NOP14: variants seen among roughly 807,000 people sequenced by gnomAD.
The protein encoded by NOP14 is nucleolar protein 14.
In NOP14, 57 loss-of-function variants were observed where a neutral mutation model predicts 101.6. That is an observed-to-expected ratio of 0.56 (90% confidence interval 0.45 to 0.70). The LOEUF is 0.70. Among genes scored for constraint, NOP14 ranks in the 30% least tolerant of loss-of-function variants. NOP14 has a pLI of 0.00. For synonymous variants in NOP14, 428 were observed against 424.0 expected (o/e 1.01, Z -0.12); for missense variants, 1,134 against 1,075.5 (o/e 1.05, Z -0.76).
intron 13 of NOP14, among the ~76,000 whole-genome samples, chr4:2,942,783 G>T (rs910683332): frequency 6.6e-6 from 1 of 152,212 alleles, no homozygotes; most frequent in Non-Finnish European, 1.5e-5. Flanking sequence ...AGAGTCAGTC[G>T]GGGGTGACGG....
chr4:2,950,406 A>G (rs1714947107), intron 7 of NOP14, 193 bp from the exon 8 acceptor site: 2 of 619,326 alleles, frequency 3.2e-6, no homozygotes, highest in South Asian at 2.0e-5. Context: ...TTCGAGCCGC[A>G]GGAGCTACAG....
In NOP14 at chr4:2,949,980, T is replaced by G; in HGVS notation, c.1236A>C (p.Glu412Asp). 6.2e-7 allele frequency: 1 copy of G among 1,614,182 alleles called. No homozygotes were observed. Among genetic ancestry groups the G allele is most frequent in the Non-Finnish European group, 8.5e-7 (1 of 1,180,024 alleles). Residue 412 changes from glutamate to aspartate, a missense_variant, in exon 8 of 18, where the codon GAA becomes GAC. By Grantham distance (45) the Glu-to-Asp change is conservative (BLOSUM62 2). Transcript: ENST00000416614. Reference protein sequence around the residue: ...TPGKGLISGKERAGKATRDEL... With the variant: ...TPGKGLISGKDRAGKATRDEL... ...CGTCTCTGGTAGCTTTTCCAGCTCT[T>G]TCCTTGCCGCTTATCAACCCTTTCC...
In NOP14 at chr4:2,950,129, C is replaced by G. The variant is rs1308301414; in HGVS notation, c.1087G>C (p.Asp363His). The G allele has an allele frequency of 1.2e-6, 2 of 1,614,212 alleles. No individual in the cohort carries two copies. Among genetic ancestry groups the G allele is most frequent in the South Asian group, 2.2e-5 (2 of 91,086 alleles). Residue 363 changes from aspartate to histidine, a missense_variant, in exon 8 of 18, where the codon GAC (aspartate) becomes CAC (histidine). Transcript: ENST00000416614. The stretch of plus-strand genomic sequence containing the variant: ...TCTGTGTCCTCCCCGCCTGAACTGT[C>G]ACCTTCTTCCTCGTTGCTCTCAGGG... ...SDPESNEEEG[D>H]SSGGEDTEES...
chr4:2,942,287 A>G lies in NOP14; in HGVS notation c.1956T>C (p.Ala652=), dbSNP rs145858265. 3 of 1,614,022 alleles carry G rather than the reference A, an allele frequency of 1.9e-6. No individual in the cohort carries two copies. The highest frequency in any genetic ancestry group is 2.5e-6 in the Non-Finnish European group (3 of 1,180,026). ...GCTGCCACGTGGCCACATCCTCTCT[A>G]GCAGACACCACGAGCAGTTCCGAGT... ...GKNSELLVVS[A]REDVATWQQS... is the part of the protein sequence containing the mutation. The change falls in exon 14 of 18, where the codon GCT becomes GCC. Residue 652 remains alanine, a synonymous_variant. Coordinates refer to ENST00000416614, the MANE Select transcript of NOP14 (RefSeq NM_001291978.2).
intron 15 of NOP14, chr4:2,941,319 C>A: frequency 2.1e-6 from 1 of 468,506 alleles, no homozygotes; most frequent in Non-Finnish European, 3.9e-6. Flanking sequence ...CTGGTGCACC[C>A]TCCGTGCGGC....
chr4:2,942,362 A>G lies in NOP14; in HGVS notation c.1892-11T>C. On this transcript the variant is annotated splice_polypyrimidine_tract_variant and intron_variant, in intron 13 of 17. Coordinates refer to ENST00000416614, the MANE Select transcript of NOP14 (RefSeq NM_001291978.2). ...GCACCAGAGTGGAACCTGAATTCCA[A>G]GTGCGACAGGACAGAGATGGCCTGA... 6.2e-7 allele frequency: 1 copy of G among 1,612,346 alleles called. No individual in the cohort carries two copies. Among genetic ancestry groups the G allele is most frequent in the Non-Finnish European group, 8.5e-7 (1 of 1,178,610 alleles).
chr4:2,944,618 A>T (rs1051222037), intron 12 of NOP14, among the ~76,000 whole-genome samples: 3 of 152,152 alleles, frequency 2.0e-5, no homozygotes, highest in Middle Eastern at 3.4e-3. Flanking sequence ...TGTTGGCCAC[A>T]CTGGTCTTGA....
Position 2,960,733 on chromosome 4 carries a change from T to TATTAATATATTAATATTATAATCAC in NOP14, c.195+2367_195+2391dup, listed in dbSNP as rs1560310571. The stretch of plus-strand genomic sequence containing the variant: ...TATATTAATATTATAATCACATTAA[T>TATTAATATATTAATATTATAATCAC]ATTAATATATTAATATTATAATCAC... On this transcript the variant is annotated intron_variant, in intron 1 of 17. Coordinates refer to ENST00000416614, the MANE Select transcript of NOP14 (RefSeq NM_001291978.2). Among the ~76,000 whole-genome samples the TATTAATATATTAATATTATAATCAC allele has an allele frequency of 2.0e-3, 227 of 110,830 alleles. 14 individuals carry two copies. Among genetic ancestry groups the TATTAATATATTAATATTATAATCAC allele is most frequent in the African/African-American group, 6.3e-3 (178 of 28,392 alleles). The allele number at this position is 110,830 out of a possible 152,430, so 72.7% of individuals were successfully genotyped here.
chr4:2,950,901 C>T (rs903994913), intron 7 of NOP14: 9 of 470,790 alleles, frequency 1.9e-5, no homozygotes, highest in Non-Finnish European at 3.4e-5. Context: ...AGAAAGAGAG[C>T]GTGAGCAAGT....
chr4:2,939,418 G>C, intron 16 of NOP14, 75 bp from the exon 17 acceptor site: 1 of 1,600,028 alleles, frequency 6.2e-7, no homozygotes, highest in East Asian at 2.2e-5. Flanking sequence ...TTGGGAGTGT[G>C]GCTTCACTCC....
intron 7 of NOP14, chr4:2,950,574 T>A (rs1714960212): frequency 3.5e-6 from 1 of 289,772 alleles, no homozygotes; most frequent in African/African-American, 2.1e-5. Context: ...AGTGTTTTTA[T>A]CAGTATCCAT....
intron 15 of NOP14, chr4:2,940,363 A>C (rs1017240191): frequency 6.6e-6 from 1 of 152,294 alleles, no homozygotes; most frequent in Non-Finnish European, 1.5e-5. Context: ...ATGTGGATGT[A>C]ACCTTCGAGT....
intron 13 of NOP14, 150 bp from the exon 14 acceptor site, chr4:2,942,501 G>A: frequency 1.2e-6 from 1 of 838,696 alleles, no homozygotes; most frequent in Non-Finnish European, 1.8e-6. Flanking sequence ...GAGGGTTTCA[G>A]CGTGGGCAGG....
At chr4:2,942,374 C>T in intron 13 of NOP14, 23 bp from the exon 14 acceptor site, 1 of 1,606,650 alleles carries the variant, frequency 6.2e-7, no homozygotes, top group South Asian at 1.1e-5. Context: ...TGCGACAGGA[C>T]AGAGATGGCC....
chr4:2,940,076 C>T (rs1165018946), intron 15 of NOP14, among the ~76,000 whole-genome samples: 2 of 152,224 alleles, frequency 1.3e-5, no homozygotes, highest in African/African-American at 4.8e-5. Flanking sequence ...CGCGGGGGGC[C>T]GTGTGCATGC....
chr4:2,954,268 T>C (rs1442299967), intron 4 of NOP14, among the ~76,000 whole-genome samples, 156 bp downstream of exon 4: 1 of 152,204 alleles, frequency 6.6e-6, no homozygotes, highest in Non-Finnish European at 1.5e-5. Flanking sequence ...ATGCTTTATG[T>C]GATTTTTAAA....
At chr4:2,939,389 C>G (rs1281809025) in intron 16 of NOP14, 46 bp from the exon 17 acceptor site, 2 of 1,612,318 alleles carry the variant, frequency 1.2e-6, no homozygotes, top group Non-Finnish European at 1.7e-6. Flanking sequence ...TCTGTCCCCA[C>G]CTCTCAGCCA....
At chr4:2,943,319 A>G (rs1446222486) in intron 13 of NOP14, among the ~76,000 whole-genome samples, 2 of 152,202 alleles carry the variant, frequency 1.3e-5, no homozygotes, top group African/African-American at 4.8e-5. Flanking sequence ...CTGCACGGTG[A>G]GCTGGAAATA....
chr4:2,942,231 C>G lies in NOP14; in HGVS notation c.2012G>C (p.Arg671Thr). 6.2e-7 allele frequency: 1 copy of G among 1,614,210 alleles called. No homozygotes were observed. The highest frequency in any genetic ancestry group is 8.5e-7 in the Non-Finnish European group (1 of 1,180,030). Residue 671 changes from arginine to threonine, a missense_variant, in exon 14 of 18, where the codon AGA (arginine) becomes ACA (threonine). Physicochemically the swap from Arg to Thr is moderately conservative, Grantham distance 71. Transcript: ENST00000416614. ...QSSLSLRWAS[R>T]LRAPTSTEAN... is the part of the protein sequence containing the mutation. ...CTCTGTCGAAGTTGGGGCCCTCAGTCTACTCGCCCAGCGGAGGGAGAGGCT... is the reference window on the plus strand; with the variant it reads ...CTCTGTCGAAGTTGGGGCCCTCAGTGTACTCGCCCAGCGGAGGGAGAGGCT...
Sources: allele counts gnomAD v4.1 joint callset (sites outside exome capture counted in the v4.1 genomes callset), GRCh38; gene constraint gnomAD v4.1.1; transcripts MANE v1.5; gene names NCBI Gene and HGNC (gene_info 2026-07-23, HGNC 2026-07-21).